Variants in PSME4 observed in about 807,000 individuals in gnomAD.
PSME4 encodes the protein proteasome activator subunit 4, also known as proteasome activator complex subunit 4.
In PSME4, 89 loss-of-function variants were observed where a neutral mutation model predicts 253.9. The observed-to-expected ratio is 0.35, with a 90% CI of 0.30 to 0.42. PSME4 has a LOEUF of 0.42. Among genes scored for constraint, PSME4 ranks in the 10% least tolerant of loss-of-function variants. PSME4 has a pLI of 1.00. For missense variants in PSME4, 2,014 were observed against 2,195.2 expected, an observed-to-expected ratio of 0.92 and a Z score of 1.65; for synonymous variants, 851 against 759.2, an observed-to-expected ratio of 1.12 and a Z score of -1.99.
chr2:53,915,405 A>T (rs1668013895), intron 20 of PSME4, among the ~76,000 whole-genome samples: 1 of 151,932 alleles, frequency 6.6e-6, no homozygotes, highest in South Asian at 2.1e-4. Context: ...GTGCCACTGT[A>T]TTCCAACCTG....
intron 1 of PSME4, among the ~76,000 whole-genome samples, chr2:53,955,007 G>A (rs150618242): frequency 6.6e-5 from 10 of 150,744 alleles, no homozygotes; most frequent in African/African-American, 2.0e-4. Flanking sequence ...AGGAGACCCC[G>A]TCTCTATAAA....
At chr2:53,891,279 A>G (rs934224774) in intron 36 of PSME4, among the ~76,000 whole-genome samples, 1 of 152,180 alleles carries the variant, frequency 6.6e-6, no homozygotes, top group Non-Finnish European at 1.5e-5. Flanking sequence ...ATTTACACAC[A>G]TAGATTTTCT....
chr2:53,867,613 G>A (rs1353162079), intron 44 of PSME4, among the ~76,000 whole-genome samples: 2 of 145,910 alleles, frequency 1.4e-5, no homozygotes, highest in Non-Finnish European at 3.0e-5. Context: ...AGGCTGCAGT[G>A]AGCCATATTC....
At chr2:53,903,095 C>T (rs1680487847) in intron 27 of PSME4, among the ~76,000 whole-genome samples, 1 of 152,128 alleles carries the variant, frequency 6.6e-6, no homozygotes, top group South Asian at 2.1e-4. Flanking sequence ...CAACATATGC[C>T]CCTTGGTCCT....
chr2:53,950,458 T>G (rs1669920885), intron 1 of PSME4, among the ~76,000 whole-genome samples: 1 of 152,202 alleles, frequency 6.6e-6, no homozygotes, highest in South Asian at 2.1e-4. Context: ...ATACCAAAAA[T>G]AATTTAATAT....
intron 13 of PSME4, 53 bp from the exon 14 acceptor site, chr2:53,925,742 T>G: frequency 6.5e-7 from 1 of 1,542,592 alleles, no homozygotes. Context: ...GGTTTGACAT[T>G]TTTGGTGGTC....
chr2:53,953,525 C>A (rs1407264250), intron 1 of PSME4, among the ~76,000 whole-genome samples: 2 of 145,706 alleles, frequency 1.4e-5, no homozygotes, highest in Non-Finnish European at 1.5e-5. Flanking sequence ...AAGAACTATG[C>A]AGGGTAACTT....
Position 53,922,592 on chromosome 2 carries a change from C to G in PSME4, c.1979-8G>C, listed in dbSNP as rs759177250. The G allele has an allele frequency of 3.8e-5, 61 of 1,610,302 alleles. No individual in the cohort carries two copies. The East Asian group carries it at 1.3e-3, about 35-fold the overall frequency. Reference sequence around the variant, plus strand: ...CATTTAATACATCATCATCTAAAAACAGCAAAATACTATTAGGGGGAAAAA... The same window carrying G: ...CATTTAATACATCATCATCTAAAAAGAGCAAAATACTATTAGGGGGAAAAA... On this transcript the variant is annotated splice_polypyrimidine_tract_variant and splice_region_variant and intron_variant, in intron 16 of 46. Coordinates refer to ENST00000404125, the MANE Select transcript of PSME4 (RefSeq NM_014614.3).
intron 20 of PSME4, 22 bp downstream of exon 20, chr2:53,919,129 G>T: frequency 6.3e-7 from 1 of 1,595,624 alleles, no homozygotes; most frequent in South Asian, 1.1e-5. Context: ...ATGTTAAGTG[G>T]AAAACAGTTA....
At chr2:53,960,271 C>CAT (rs1670422115) in intron 1 of PSME4, among the ~76,000 whole-genome samples, 1 of 151,900 alleles carries the variant, frequency 6.6e-6, no homozygotes, top group Admixed American at 6.6e-5. Flanking sequence ...TGGTGGCGGG[C>CAT]GCCTGTAATC....
At chr2:53,865,775 C>G in intron 46 of PSME4, 1 of 245,392 alleles carries the variant, frequency 4.1e-6, no homozygotes, top group Non-Finnish European at 7.8e-6. Flanking sequence ...ATGTCCCAGC[C>G]CCACCCAGGA....
chr2:53,898,633 G>GCA (rs199900623), intron 29 of PSME4, among the ~76,000 whole-genome samples: 15,276 of 142,278 alleles, frequency 0.11, 795 homozygotes, highest in Middle Eastern at 0.14. Context: ...ATTGGGAGTG[G>GCA]CACACACACA....
At chr2:53,931,094 A>G (rs1573316593) in intron 10 of PSME4, among the ~76,000 whole-genome samples, 1 of 152,194 alleles carries the variant, frequency 6.6e-6, no homozygotes, top group Admixed American at 6.5e-5. Flanking sequence ...CCTGGCCAAC[A>G]TGGTGAAACG....
chr2:53,888,034 C>A, intron 38 of PSME4, 45 bp from the exon 39 acceptor site: 1 of 1,563,162 alleles, frequency 6.4e-7, no homozygotes, highest in South Asian at 1.2e-5. Flanking sequence ...CCCTTTCTGC[C>A]TTTACATATT....
At chr2:53,904,524 G>A (rs1023548495) in intron 26 of PSME4, among the ~76,000 whole-genome samples, 13 of 152,138 alleles carry the variant, frequency 8.5e-5, no homozygotes, top group Non-Finnish European at 4.4e-5. Flanking sequence ...ATGTCCACAT[G>A]AGGAAAATTA....
intron 27 of PSME4, among the ~76,000 whole-genome samples, chr2:53,902,301 G>A (rs566544976): frequency 5.3e-4 from 80 of 152,278 alleles, no homozygotes; most frequent in Middle Eastern, 3.4e-3. Flanking sequence ...AAAAACTAAA[G>A]TATACTGCAT....
At chr2:53,896,305 A>T (rs1680132997) in intron 32 of PSME4, among the ~76,000 whole-genome samples, 1 of 152,216 alleles carries the variant, frequency 6.6e-6, no homozygotes, top group East Asian at 1.9e-4. Flanking sequence ...AAAAAAATTA[A>T]AACATTTTCT....
Position 53,876,533 on chromosome 2 carries a change from AAG to A in PSME4, c.4816-780_4816-779del, listed in dbSNP as rs201613459. Among the ~76,000 whole-genome samples the A allele has an allele frequency of 9.2e-3, 1,404 of 152,142 alleles. 23 individuals carry two copies. The highest frequency in any genetic ancestry group is 0.032 in the African/African-American group (1,323 of 41,490). On this transcript the variant is annotated intron_variant, in intron 41 of 46. Coordinates refer to ENST00000404125, the MANE Select transcript of PSME4 (RefSeq NM_014614.3). ...TCTTTCTGTGATAATCCATTATAAAAAGAGAGATTTGCGAAATGGTCATTCCT... is the reference window on the plus strand; with the variant it reads ...TCTTTCTGTGATAATCCATTATAAAAAGAGATTTGCGAAATGGTCATTCCT...
At chr2:53,954,070 C>T (rs1477603824) in intron 1 of PSME4, among the ~76,000 whole-genome samples, 1 of 151,826 alleles carries the variant, frequency 6.6e-6, no homozygotes, top group Non-Finnish European at 1.5e-5. Context: ...TGGCTCACGC[C>T]TGTAATCCCA....
Sources: allele counts gnomAD v4.1 joint callset (sites outside exome capture counted in the v4.1 genomes callset), GRCh38; gene constraint gnomAD v4.1.1; transcripts MANE v1.5; gene names NCBI Gene and HGNC (gene_info 2026-07-23, HGNC 2026-07-21).